OR2F1: variants seen among roughly 807,000 people sequenced by gnomAD.
OR2F1 encodes olfactory receptor 2F1.
For synonymous variants in OR2F1, 146 were observed against 155.3 expected, an observed-to-expected ratio of 0.94 and a Z score of 0.44; for missense variants, 389 against 378.2, an observed-to-expected ratio of 1.03 and a Z score of -0.24.
chr7:143,959,931 T>G lies in OR2F1; in HGVS notation c.-23-17T>G. ...AGTTATTCAACAGCTTCTGTTTTTT[T>G]CTGACTCCCTTCACAGATTAATAAT... is the stretch of plus-strand genomic sequence containing the variant. On this transcript the variant is annotated splice_polypyrimidine_tract_variant and intron_variant, in intron 2 of 2. Coordinates refer to ENST00000641412, the MANE Select transcript of OR2F1 (RefSeq NM_012369.3). 1 of 1,466,062 alleles carries G rather than the reference T, an allele frequency of 6.8e-7. No homozygotes were observed. Among genetic ancestry groups the G allele is most frequent in the Non-Finnish European group, 9.3e-7 (1 of 1,077,970 alleles). 90.8% of individuals were successfully genotyped at this position (1,466,062 alleles called of 1,614,324 possible). A position where few individuals can be genotyped will look rare whatever the true frequency, so the allele number is the denominator to read the frequency against.
chr7:143,961,027 T>C lies in OR2F1; in HGVS notation c.*103T>C, dbSNP rs1182781216. ...ATTGCCCTGGCAACCAGGAAGGAGA[T>C]GACGTAGCATGTACTGTGGATGTTA... On this transcript the variant is annotated 3_prime_UTR_variant, in exon 3 of 3. Transcript: ENST00000641412. The C allele has an allele frequency of 4.9e-6, 4 of 818,382 alleles. No individual in the cohort carries two copies. The highest frequency in any genetic ancestry group is 7.8e-6 in the Non-Finnish European group (4 of 509,798). 50.7% of individuals were successfully genotyped at this position (818,382 alleles called of 1,614,324 possible).
At chr7:143,956,901 T>C (rs1206674554) in intron 1 of OR2F1, among the ~76,000 whole-genome samples, 1 of 151,988 alleles carries the variant, frequency 6.6e-6, no homozygotes, top group South Asian at 2.1e-4. Context: ...TTCTGTGGCA[T>C]ACAGAAGAAG....
Position 143,959,953 on chromosome 7 carries a change from T to A in OR2F1, c.-18T>A. On this transcript the variant is annotated 5_prime_UTR_variant, in exon 3 of 3. Coordinates refer to ENST00000641412, the MANE Select transcript of OR2F1 (RefSeq NM_012369.3). Reference sequence around the variant, plus strand: ...TTTTCTGACTCCCTTCACAGATTAATAATCCTTGAATATTTTAATGGGAAC... The same window carrying A: ...TTTTCTGACTCCCTTCACAGATTAAAAATCCTTGAATATTTTAATGGGAAC... 6.4e-7 allele frequency: 1 copy of A among 1,552,878 alleles called. No homozygotes were observed. The highest frequency in any genetic ancestry group is 8.7e-7 in the Non-Finnish European group (1 of 1,143,512).
rs770593294 is a variant in OR2F1, at chr7:143,960,104, T to C, written c.134T>C (p.Ile45Thr). ...GTGACCGTGCTGGGGAACTGTCTCA[T>C]TGTCCTTCTGATCAGACTGGACAGC... ...YVVTVLGNCL[I>T]VLLIRLDSRL... The change falls in exon 3 of 3, where the codon ATT becomes ACT. Residue 45 changes from isoleucine (I) to threonine (T), a missense_variant. Coordinates refer to ENST00000641412, the MANE Select transcript of OR2F1 (RefSeq NM_012369.3). 8.7e-6 allele frequency: 14 copies of C among 1,614,184 alleles called. No individual in the cohort carries two copies. The South Asian group carries it at 1.3e-4, about 15-fold the overall frequency.
Position 143,960,511 on chromosome 7 carries a change from C to A in OR2F1, c.541C>A (p.Leu181Ile). The change falls in exon 3 of 3, where the codon CTC becomes ATC. Residue 181 changes from leucine to isoleucine, a missense_variant. Transcript: ENST00000641412. ...NKFIDHISCE[L>I]LAVVRLACVD... ...GTTTATTGATCACATATCCTGTGAA[C>A]TCCTAGCTGTGGTCAGGCTGGCTTG... 6.2e-7 allele frequency: 1 copy of A among 1,614,232 alleles called. No individual in the cohort carries two copies.
rs2050336399 is a variant in OR2F1 at position 143,962,394 on chromosome 7, G to T, written c.*1470G>T. ...TATTCTGTGTCAGTGTCAATAAATG[G>T]TTGTTGCACACAATAGTCAATATGA... On this transcript the variant is annotated 3_prime_UTR_variant, in exon 3 of 3. Transcript: ENST00000641412. The T allele has an allele frequency of 6.6e-6, 1 of 152,162 alleles. No individual in the cohort carries two copies. Among genetic ancestry groups the T allele is most frequent in the African/African-American group, 2.4e-5 (1 of 41,440 alleles). The allele number at this position is 152,162 out of a possible 1,614,324, so 9.4% of individuals were successfully genotyped here.
chr7:143,964,070 G>C lies in OR2F1; in HGVS notation c.*3146G>C, dbSNP rs2050351483. 6.6e-6 allele frequency: 1 copy of C among 151,556 alleles called. No individual in the cohort carries two copies. Among genetic ancestry groups the C allele is most frequent in the African/African-American group, 2.4e-5 (1 of 41,222 alleles). 9.4% of individuals were successfully genotyped at this position (151,556 alleles called of 1,614,324 possible). A position where few individuals can be genotyped will look rare whatever the true frequency, so the allele number is the denominator to read the frequency against. On this transcript the variant is annotated 3_prime_UTR_variant, in exon 3 of 3. Coordinates refer to ENST00000641412, the MANE Select transcript of OR2F1 (RefSeq NM_012369.3). ...TATTTGATAGAGTTTTTAATTTCAA[G>C]GCTGCACTTTCTCGGTAACTTTAAT...
chr7:143,955,816 T>C (rs1310927529), intron 1 of OR2F1, among the ~76,000 whole-genome samples: 1 of 152,188 alleles, frequency 6.6e-6, no homozygotes, highest in South Asian at 2.1e-4. Flanking sequence ...ATGAAGATGA[T>C]ATAACTCTAA....
At chr7:143,955,692 G>T (rs149214999) in intron 1 of OR2F1, among the ~76,000 whole-genome samples, 1 of 152,204 alleles carries the variant, frequency 6.6e-6, no homozygotes, top group East Asian at 1.9e-4. Flanking sequence ...GAACCACAGG[G>T]TATGCCATTT....
chr7:143,960,231 A>G lies in OR2F1; in HGVS notation c.261A>G (p.Ala87=), dbSNP rs780885868. 2.5e-6 allele frequency: 4 copies of G among 1,614,080 alleles called. No individual in the cohort carries two copies. Among genetic ancestry groups the G allele is most frequent in the Non-Finnish European group, 2.5e-6 (3 of 1,180,048 alleles). ...CTCAGCTGCTGGCACATTTTCTTGC[A>G]GAACATAAAGCCATCCCATTCCAGA... is the stretch of plus-strand genomic sequence containing the variant. ...VVPQLLAHFL[A]EHKAIPFQSC... Residue 87 remains alanine (A), a synonymous_variant, in exon 3 of 3, where the codon GCA becomes GCG. Transcript: ENST00000641412.
Position 143,960,106 on chromosome 7 carries a change from G to A in OR2F1, c.136G>A (p.Val46Ile), listed in dbSNP as rs776422140. 1.9e-6 allele frequency: 3 copies of A among 1,613,950 alleles called. No individual in the cohort carries two copies. The highest frequency in any genetic ancestry group is 2.5e-6 in the Non-Finnish European group (3 of 1,180,028). The change falls in exon 3 of 3, where the codon GTC becomes ATC. Residue 46 changes from valine (V) to isoleucine (I), a missense_variant. Physicochemically the swap from Val to Ile is conservative, Grantham distance 29. Transcript: ENST00000641412. ...VVTVLGNCLI[V>I]LLIRLDSRLH... ...GACCGTGCTGGGGAACTGTCTCATT[G>A]TCCTTCTGATCAGACTGGACAGCCG...
intron 1 of OR2F1, among the ~76,000 whole-genome samples, chr7:143,957,873 C>G (rs748390006): frequency 1.1e-4 from 17 of 150,448 alleles, no homozygotes; most frequent in Middle Eastern, 3.2e-3. Flanking sequence ...TGCTCCAAGT[C>G]TCAGGAAGCA....
intron 1 of OR2F1, among the ~76,000 whole-genome samples, chr7:143,955,821 C>T (rs1230475226): frequency 6.6e-6 from 1 of 152,154 alleles, no homozygotes; most frequent in Non-Finnish European, 1.5e-5. Context: ...GATGATATAA[C>T]TCTAAGAATG....
In OR2F1 at chr7:143,960,914, T is replaced by C; in HGVS notation, c.944T>C (p.Leu315Pro). ...LWKFSGLTSK[L>P]AT Reference sequence around the variant, plus strand: ...AAATTCTCTGGGTTAACATCAAAGCTGGCAACTTGACTCATGAGTATGACT... The same window carrying C: ...AAATTCTCTGGGTTAACATCAAAGCCGGCAACTTGACTCATGAGTATGACT... Residue 315 changes from leucine (L) to proline (P), a missense_variant, in exon 3 of 3, where the codon CTG (leucine) becomes CCG (proline). By Grantham distance (98) the Leu-to-Pro change is moderately conservative. Coordinates refer to ENST00000641412, the MANE Select transcript of OR2F1 (RefSeq NM_012369.3). 1 of 1,605,762 alleles carries C rather than the reference T, an allele frequency of 6.2e-7. No individual in the cohort carries two copies. The highest frequency in any genetic ancestry group is 8.5e-7 in the Non-Finnish European group (1 of 1,176,012).
chr7:143,960,966 T>C lies in OR2F1; in HGVS notation c.*42T>C, dbSNP rs780773561. 4 of 1,474,286 alleles carry C rather than the reference T, an allele frequency of 2.7e-6. No individual in the cohort carries two copies. The highest frequency in any genetic ancestry group is 3.7e-6 in the Non-Finnish European group (4 of 1,076,386). 91.3% of individuals were successfully genotyped at this position (1,474,286 alleles called of 1,614,324 possible). ...AGAGAAAACAGCTTTGCCTCAGTGT[T>C]CTCCACCCAGCTGAGATCTGACAGG... On this transcript the variant is annotated 3_prime_UTR_variant, in exon 3 of 3. Coordinates refer to ENST00000641412, the MANE Select transcript of OR2F1 (RefSeq NM_012369.3).
At position 143,960,209 on chromosome 7, in the gene OR2F1, A is replaced by C. The variant is rs2050315260; in HGVS notation, c.239A>C (p.Gln80Pro). Residue 80 changes from glutamine to proline, a missense_variant, in exon 3 of 3, where the codon CAG (glutamine) becomes CCG (proline). Transcript: ENST00000641412. Reference sequence around the variant, plus strand: ...TCCTATGCCACAAGTGTAGTCCCTCAGCTGCTGGCACATTTTCTTGCAGAA... The same window carrying C: ...TCCTATGCCACAAGTGTAGTCCCTCCGCTGCTGGCACATTTTCTTGCAGAA... The part of the protein sequence containing the change: ...DVSYATSVVP[Q>P]LLAHFLAEHK... 1 of 1,614,028 alleles carries C rather than the reference A, an allele frequency of 6.2e-7. No homozygotes were observed.
In OR2F1 at chr7:143,960,585, T is replaced by C; in HGVS notation, c.615T>C (p.Val205=). ...NEVTIMVSSI[V]LLMTPFCLVL... Reference sequence around the variant, plus strand: ...TCACCATCATGGTGTCTAGCATTGTTCTTCTGATGACACCCTTCTGCCTGG... The same window carrying C: ...TCACCATCATGGTGTCTAGCATTGTCCTTCTGATGACACCCTTCTGCCTGG... The change falls in exon 3 of 3, where the codon GTT becomes GTC. Residue 205 remains valine, a synonymous_variant. Coordinates refer to ENST00000641412, the MANE Select transcript of OR2F1 (RefSeq NM_012369.3). The C allele has an allele frequency of 6.2e-7, 1 of 1,614,190 alleles. No homozygotes were observed. The highest frequency in any genetic ancestry group is 8.5e-7 in the Non-Finnish European group (1 of 1,180,038).
rs1464392116 is a variant in OR2F1 at position 143,961,474 on chromosome 7, A to T, written c.*550A>T. On this transcript the variant is annotated 3_prime_UTR_variant, in exon 3 of 3. Transcript: ENST00000641412. ...GCAGGACCTACAAAAGGTGAACATA[A>T]TGTCTTCTCCTGAGTGCTGGAGCTA... 6.5e-6 allele frequency: 1 copy of T among 154,174 alleles called. No homozygotes were observed. 9.6% of individuals were successfully genotyped at this position (154,174 alleles called of 1,614,324 possible).
At position 143,960,632 on chromosome 7, in the gene OR2F1, T is replaced by A. The variant is rs138558679; in HGVS notation, c.662T>A (p.Ile221Asn). Residue 221 changes from isoleucine to asparagine, a missense_variant, in exon 3 of 3, where the codon ATC becomes AAC. Physicochemically the swap from Ile to Asn is moderately radical, Grantham distance 149. Coordinates refer to ENST00000641412, the MANE Select transcript of OR2F1 (RefSeq NM_012369.3). ...FCLVLLSYIQ[I>N]ISTILKIQSR... ...CTGGTTCTTTTGTCCTACATCCAGA[T>A]CATCTCCACCATCCTAAAGATCCAG... The A allele has an allele frequency of 9.3e-6, 15 of 1,614,036 alleles. No individual in the cohort carries two copies. Among genetic ancestry groups the A allele is most frequent in the Middle Eastern group, 1.6e-4 (1 of 6,084 alleles).
Sources: allele counts gnomAD v4.1 joint callset (sites outside exome capture counted in the v4.1 genomes callset), GRCh38; gene constraint gnomAD v4.1.1; transcripts MANE v1.5; gene names NCBI Gene and HGNC (gene_info 2026-07-23, HGNC 2026-07-21).